Variants in PIGK observed in about 807,000 individuals in gnomAD.
The protein encoded by PIGK is phosphatidylinositol glycan anchor biosynthesis class K.
PIGK carries 42 observed loss-of-function variants against 50.6 expected under a neutral mutation model. The observed-to-expected ratio is 0.83, with a 90% CI of 0.65 to 1.07. PIGK has a LOEUF of 1.07. Among genes scored for constraint, PIGK ranks in the 50% least tolerant of loss-of-function variants. The pLI, the probability that PIGK is intolerant of heterozygous loss-of-function variation, is 0.00. For missense variants in PIGK, 448 were observed against 488.7 expected (o/e 0.92, Z 0.78); for synonymous variants, 151 against 156.0 (o/e 0.97, Z 0.24).
At chr1:77,120,050 A>G (rs1654061146) in intron 10 of PIGK, among the ~76,000 whole-genome samples, 4 of 152,222 alleles carry the variant, frequency 2.6e-5, no homozygotes, top group Admixed American at 2.6e-4. Flanking sequence ...ATGAGCTCCT[A>G]AACAGGTGTA....
At chr1:77,104,849 G>A (rs925930492) in intron 10 of PIGK, among the ~76,000 whole-genome samples, 6 of 152,178 alleles carry the variant, frequency 3.9e-5, no homozygotes, top group African/African-American at 1.2e-4. Flanking sequence ...GGGTGCCCAC[G>A]ACTCTCAAGC....
At chr1:77,166,050 C>A (rs1414108453) in intron 5 of PIGK, among the ~76,000 whole-genome samples, 1 of 152,016 alleles carries the variant, frequency 6.6e-6, no homozygotes, top group African/African-American at 2.4e-5. Context: ...GTTTGAAGGA[C>A]AGAACATTCA....
intron 9 of PIGK, among the ~76,000 whole-genome samples, chr1:77,122,701 A>T (rs1570199276): frequency 6.6e-6 from 1 of 152,060 alleles, no homozygotes; most frequent in African/African-American, 2.4e-5. Flanking sequence ...CTCCAACCAA[A>T]CTCAAGCCTC....
chr1:77,115,415 G>A (rs1458870634), intron 10 of PIGK, among the ~76,000 whole-genome samples: 1 of 151,896 alleles, frequency 6.6e-6, no homozygotes, highest in East Asian at 1.9e-4. Flanking sequence ...CACAGGCGGG[G>A]AGGAGTTCAG....
At chr1:77,207,035 C>T (rs1416031157) in intron 2 of PIGK, among the ~76,000 whole-genome samples, 5 of 152,036 alleles carry the variant, frequency 3.3e-5, no homozygotes, top group Admixed American at 1.3e-4. Flanking sequence ...GGTGTGGTGG[C>T]GTGCACCTGT....
rs531935973 is a variant in PIGK at position 77,141,501 on chromosome 1, C to T, written c.986+12948G>A. 2.0e-5 allele frequency among the ~76,000 whole-genome samples: 3 copies of T among 152,190 alleles called. No homozygotes were observed. The Middle Eastern group carries it at 0.01, about 518-fold the overall frequency. On this transcript the variant is annotated intron_variant, in intron 9 of 10. Transcript: ENST00000370812. ...AAAGTACTTTCAGAATAATAAGTCA[C>T]AATTTCATCAAATTAAAGAAAGTAC...
At chr1:77,112,204 G>T (rs1282427002) in intron 10 of PIGK, among the ~76,000 whole-genome samples, 1 of 130,192 alleles carries the variant, frequency 7.7e-6, no homozygotes, top group East Asian at 2.0e-4. Flanking sequence ...TTTCTGACAT[G>T]CATATACCAG....
At chr1:77,130,361 C>T (rs956846652) in intron 9 of PIGK, among the ~76,000 whole-genome samples, 1 of 118,070 alleles carries the variant, frequency 8.5e-6, no homozygotes, top group Non-Finnish European at 1.8e-5. Flanking sequence ...TTTCTTTTTG[C>T]ATTTTTATCT....
At chr1:77,110,660 G>A (rs1194909091) in intron 10 of PIGK, among the ~76,000 whole-genome samples, 1 of 152,140 alleles carries the variant, frequency 6.6e-6, no homozygotes, top group East Asian at 1.9e-4. Flanking sequence ...AAAAACCATA[G>A]AAGAAAACCT....
intron 3 of PIGK, among the ~76,000 whole-genome samples, chr1:77,199,893 G>C (rs1237720684): frequency 6.6e-6 from 1 of 152,008 alleles, no homozygotes; most frequent in East Asian, 1.9e-4. Flanking sequence ...ACACTATACA[G>C]ATTGGTATAA....
intron 9 of PIGK, among the ~76,000 whole-genome samples, chr1:77,132,954 T>C (rs1654411606): frequency 6.6e-6 from 1 of 152,156 alleles, no homozygotes; most frequent in African/African-American, 2.4e-5. Flanking sequence ...GTTTGTTCTC[T>C]ATGTTTTTTC....
At chr1:77,193,231 AGT>A (rs1267225601) in intron 3 of PIGK, among the ~76,000 whole-genome samples, 1 of 143,198 alleles carries the variant, frequency 7.0e-6, no homozygotes, top group Non-Finnish European at 1.5e-5. Context: ...GTTAGCTGAC[AGT>A]GTGGCATGAG....
intron 4 of PIGK, 21 bp downstream of exon 4, chr1:77,169,239 T>C (rs1334469200): frequency 1.4e-6 from 2 of 1,457,990 alleles, no homozygotes; most frequent in Admixed American, 2.3e-5. Flanking sequence ...TTTAAAAATG[T>C]GGCTAGATTA....
intron 9 of PIGK, among the ~76,000 whole-genome samples, chr1:77,140,177 A>G (rs1009106288): frequency 6.6e-6 from 1 of 152,022 alleles, no homozygotes; most frequent in African/African-American, 2.4e-5. Flanking sequence ...TGTCTTCACC[A>G]TAGTGAGTGA....
intron 3 of PIGK, among the ~76,000 whole-genome samples, chr1:77,190,639 T>C (rs1420857852): frequency 6.6e-6 from 1 of 152,152 alleles, no homozygotes; most frequent in Non-Finnish European, 1.5e-5. Context: ...TGTAGTAAGA[T>C]ACAAATGAAA....
intron 3 of PIGK, among the ~76,000 whole-genome samples, chr1:77,176,249 T>C (rs1655488171): frequency 1.3e-5 from 2 of 152,180 alleles, no homozygotes; most frequent in Admixed American, 6.5e-5. Flanking sequence ...AGCTTCAAAA[T>C]TATCTTTTCT....
intron 9 of PIGK, among the ~76,000 whole-genome samples, chr1:77,128,241 T>C (rs1244905251): frequency 6.6e-6 from 1 of 152,138 alleles, no homozygotes; most frequent in African/African-American, 2.4e-5. Flanking sequence ...TAAAAGCTAC[T>C]TTAAAGAAGC....
intron 9 of PIGK, among the ~76,000 whole-genome samples, chr1:77,151,896 G>A (rs1170747171): frequency 1.3e-5 from 2 of 152,102 alleles, no homozygotes; most frequent in African/African-American, 4.8e-5. Context: ...AAATAACATT[G>A]CTAAAATGTC....
chr1:77,106,873 C>T (rs1297021269), intron 10 of PIGK, among the ~76,000 whole-genome samples: 3 of 152,030 alleles, frequency 2.0e-5, no homozygotes, highest in Non-Finnish European at 2.9e-5. Context: ...AATTTATTTG[C>T]GTAGAGGTGT....
Sources: gnomAD v4.1 joint callset for allele counts (sites outside exome capture counted in the v4.1 genomes callset) on GRCh38, gnomAD v4.1.1 for gene constraint, MANE v1.5 for transcripts, NCBI Gene and HGNC (gene_info 2026-07-23, HGNC 2026-07-21) for gene names.